Variants in ARHGEF3 observed in about 807,000 individuals in gnomAD.
ARHGEF3 encodes Rho guanine nucleotide exchange factor 3.
In ARHGEF3, 28 loss-of-function variants were observed where a neutral mutation model predicts 63.2. The ratio of observed to expected loss-of-function variants is 0.44; its 90% CI spans 0.33 to 0.61. ARHGEF3 has a LOEUF of 0.61. ARHGEF3 is among the 20% of genes least tolerant of loss of function. The pLI is 0.03. For synonymous variants in ARHGEF3, 266 were observed against 254.2 expected (o/e 1.05, Z -0.44); for missense variants, 533 against 659.3 (o/e 0.81, Z 2.10).
intron 2 of ARHGEF3, among the ~76,000 whole-genome samples, chr3:56,971,151 GTAAGTC>G (rs1700893549): frequency 6.6e-6 from 1 of 152,148 alleles, no homozygotes; most frequent in Non-Finnish European, 1.5e-5. Flanking sequence ...GCGGCCCTCA[GTAAGTC>G]TGTGGTCACC....
At chr3:57,068,788 G>T (rs1175039432) in intron 1 of ARHGEF3, among the ~76,000 whole-genome samples, 1 of 152,050 alleles carries the variant, frequency 6.6e-6, no homozygotes, top group Non-Finnish European at 1.5e-5. Context: ...TTATATCATT[G>T]TGTTTTTCCC....
intron 1 of ARHGEF3, among the ~76,000 whole-genome samples, chr3:57,042,910 G>A (rs1204740695): frequency 1.3e-5 from 2 of 150,884 alleles, no homozygotes; most frequent in Non-Finnish European, 2.9e-5. Context: ...TGTTAGCCAG[G>A]ATGGTCTTGA....
intron 3 of ARHGEF3, among the ~76,000 whole-genome samples, chr3:56,953,478 G>A (rs1205143359): frequency 6.6e-6 from 1 of 152,168 alleles, no homozygotes; most frequent in African/African-American, 2.4e-5. Flanking sequence ...CCAGGAAACA[G>A]AGTCCCTTTT....
chr3:56,980,242 T>C (rs1481761830), intron 2 of ARHGEF3, among the ~76,000 whole-genome samples: 3 of 152,234 alleles, frequency 2.0e-5, no homozygotes, highest in Admixed American at 2.0e-4. Flanking sequence ...GGCACCTTAA[T>C]GCATGCTTTT....
chr3:56,797,143 T>C lies in ARHGEF3; in HGVS notation c.96+4560A>G, dbSNP rs549379857. Among the ~76,000 whole-genome samples, 74 of 152,270 alleles carry C rather than the reference T, an allele frequency of 4.9e-4. 1 individual carries two copies. Among genetic ancestry groups the C allele is most frequent in the Non-Finnish European group, 7.5e-4 (51 of 68,014 alleles). ...AGCTCTCATCATCTCCATTTTACCATTGAGGAAACAGGTTTGGAGAGGCAC... is the reference window on the plus strand; with the variant it reads ...AGCTCTCATCATCTCCATTTTACCACTGAGGAAACAGGTTTGGAGAGGCAC... On this transcript the variant is annotated intron_variant, in intron 1 of 9. Coordinates refer to ENST00000296315, the MANE Select transcript of ARHGEF3 (RefSeq NM_019555.3).
chr3:56,938,208 G>C (rs1200582532), intron 3 of ARHGEF3, among the ~76,000 whole-genome samples: 1 of 152,132 alleles, frequency 6.6e-6, no homozygotes, highest in Non-Finnish European at 1.5e-5. Context: ...GAGATTTCCA[G>C]GGTTGGATGG....
At chr3:57,056,258 A>C (rs9862348) in intron 1 of ARHGEF3, among the ~76,000 whole-genome samples, 3 of 151,726 alleles carry the variant, frequency 2.0e-5, no homozygotes, top group Non-Finnish European at 2.9e-5. Context: ...GTGACAGCAC[A>C]CACCTGTAAT....
rs1165192799 is a variant in ARHGEF3 at position 56,969,500 on chromosome 3, C to T, written c.63-10611G>A. On this transcript the variant is annotated intron_variant, in intron 2 of 12. Transcript: ENST00000338458. The stretch of plus-strand genomic sequence containing the variant: ...AAAAGGTACATATAAGGGCCGGGCG[C>T]GGTGGCTCACGCCTGTAATCCCAGC... Among the ~76,000 whole-genome samples the T allele has an allele frequency of 2.6e-5, 4 of 152,054 alleles. No individual in the cohort carries two copies. In the East Asian group the frequency reaches 5.8e-4, roughly 22 times the overall value.
chr3:56,835,522 T>A (rs368141653), intron 4 of ARHGEF3, among the ~76,000 whole-genome samples: 2 of 152,298 alleles, frequency 1.3e-5, no homozygotes, highest in South Asian at 4.2e-4. Flanking sequence ...ATTTCACGCA[T>A]TAAAATTAAA....
chr3:56,737,678 G>A (rs907025060), intron 7 of ARHGEF3, among the ~76,000 whole-genome samples: 4 of 151,968 alleles, frequency 2.6e-5, no homozygotes, highest in Non-Finnish European at 5.9e-5. Flanking sequence ...TTCTTAAAAC[G>A]TGCTCACAAT....
chr3:56,869,542 C>T (rs2040365776), intron 4 of ARHGEF3, among the ~76,000 whole-genome samples: 1 of 152,154 alleles, frequency 6.6e-6, no homozygotes, highest in Non-Finnish European at 1.5e-5. Context: ...AAATTCTATG[C>T]ATGGTAAGAT....
chr3:56,808,501 G>A (rs547201483), intron 4 of ARHGEF3, among the ~76,000 whole-genome samples: 6 of 151,786 alleles, frequency 4.0e-5, no homozygotes, highest in Admixed American at 1.3e-4. Flanking sequence ...GAGGTGGGAG[G>A]ATCCCTTGAG....
chr3:56,998,043 C>G (rs887670857), intron 2 of ARHGEF3, among the ~76,000 whole-genome samples: 1 of 152,154 alleles, frequency 6.6e-6, no homozygotes, highest in Non-Finnish European at 1.5e-5. Flanking sequence ...GTATAATGTA[C>G]AGTTGGGTTT....
intron 7 of ARHGEF3, among the ~76,000 whole-genome samples, chr3:56,737,631 G>A (rs1038308694): frequency 2.7e-4 from 41 of 151,734 alleles, no homozygotes; most frequent in African/African-American, 9.0e-4. Context: ...AATTTTATCC[G>A]GGAGGAAGAA....
At chr3:56,958,740 C>T (rs1700153403) in intron 3 of ARHGEF3, 2 of 1,418,924 alleles carry the variant, frequency 1.4e-6, no homozygotes, top group South Asian at 2.5e-5. Flanking sequence ...TAAAACCAAC[C>T]CTAACAGCGT....
chr3:56,893,811 CAAAA>C (rs537483698), intron 3 of ARHGEF3, among the ~76,000 whole-genome samples: 2 of 79,560 alleles, frequency 2.5e-5, no homozygotes, highest in East Asian at 3.5e-4. Context: ...GACTCTGTCT[CAAAA>C]AAAAAAAAAA....
intron 3 of ARHGEF3, among the ~76,000 whole-genome samples, chr3:56,946,841 T>C (rs1016407315): frequency 1.3e-5 from 2 of 151,966 alleles, no homozygotes; most frequent in Non-Finnish European, 2.9e-5. Context: ...TCACCAAAGT[T>C]GAAATGAAGG....
At chr3:56,801,434 G>A (rs2037642758) in intron 1 of ARHGEF3, among the ~76,000 whole-genome samples, 1 of 152,274 alleles carries the variant, frequency 6.6e-6, no homozygotes, top group African/African-American at 2.4e-5. Flanking sequence ...GTTGCTCCCA[G>A]ACCGGCAGGT....
chr3:56,741,127 T>A (rs188097815), intron 7 of ARHGEF3, among the ~76,000 whole-genome samples: 1 of 152,214 alleles, frequency 6.6e-6, no homozygotes, highest in Admixed American at 6.5e-5. Flanking sequence ...TTAAAAATAA[T>A]GTTTTGTCTT....
Sources: gnomAD v4.1 joint callset for allele counts (sites outside exome capture counted in the v4.1 genomes callset) on GRCh38, gnomAD v4.1.1 for gene constraint, MANE v1.5 for transcripts, NCBI Gene and HGNC (gene_info 2026-07-23, HGNC 2026-07-21) for gene names.